Variants in SPAG16 observed in about 807,000 individuals in gnomAD.
SPAG16 encodes sperm associated antigen 16.
SPAG16 carries 86 observed loss-of-function variants against 80.4 expected under a neutral mutation model. The observed-to-expected ratio is 1.07, with a 90% CI of 0.90 to 1.28. SPAG16 has a LOEUF of 1.28. Ranked by LOEUF, SPAG16 falls within the 50% of genes most tolerant of loss-of-function variation. The pLI, the probability that SPAG16 is intolerant of heterozygous loss-of-function variation, is 0.00. For synonymous variants in SPAG16, 294 were observed against 265.9 expected (o/e 1.11, Z -1.03); for missense variants, 870 against 765.3 (o/e 1.14, Z -1.61).
chr2:213,320,635 A>G (rs139460415), intron 5 of SPAG16, among the ~76,000 whole-genome samples: 29 of 152,054 alleles, frequency 1.9e-4, no homozygotes, highest in African/African-American at 6.7e-4. Context: ...CAACTATTTT[A>G]GCTTCCACAT....
intron 15 of SPAG16, among the ~76,000 whole-genome samples, chr2:214,366,208 C>A (rs1699470595): frequency 1.3e-5 from 2 of 152,086 alleles, no homozygotes; most frequent in Non-Finnish European, 2.9e-5. Context: ...CAAACTCTGA[C>A]TTTGTGATCC....
At chr2:214,054,540 C>T (rs1370482159) in intron 13 of SPAG16, among the ~76,000 whole-genome samples, 1 of 151,890 alleles carries the variant, frequency 6.6e-6, no homozygotes, top group Non-Finnish European at 1.5e-5. Flanking sequence ...CCTAACAGAC[C>T]CCAATGAAGA....
chr2:213,884,218 CA>C (rs2076465881), intron 11 of SPAG16, among the ~76,000 whole-genome samples: 1 of 152,104 alleles, frequency 6.6e-6, no homozygotes, highest in Non-Finnish European at 1.5e-5. Context: ...ATGAATCCCT[CA>C]GAGTTTGCTT....
At chr2:214,214,233 C>T (rs985737954) in intron 15 of SPAG16, among the ~76,000 whole-genome samples, 6 of 149,210 alleles carry the variant, frequency 4.0e-5, no homozygotes, top group African/African-American at 7.4e-5. Flanking sequence ...TGCAGTGGCA[C>T]AATCTGGCTC....
chr2:213,829,561 CA>C (rs2073505088), intron 10 of SPAG16, among the ~76,000 whole-genome samples: 1 of 152,072 alleles, frequency 6.6e-6, no homozygotes, highest in South Asian at 2.1e-4. Flanking sequence ...TTTTCTCAAA[CA>C]GAAAGAATCT....
chr2:213,668,108 T>A (rs2063678957), intron 10 of SPAG16, among the ~76,000 whole-genome samples: 1 of 151,782 alleles, frequency 6.6e-6, no homozygotes, highest in Non-Finnish European at 1.5e-5. Flanking sequence ...GCCCAGCTAA[T>A]TTTTGTATTT....
At chr2:214,383,612 G>C (rs1177493916) in intron 15 of SPAG16, among the ~76,000 whole-genome samples, 1 of 151,262 alleles carries the variant, frequency 6.6e-6, no homozygotes, top group East Asian at 1.9e-4. Flanking sequence ...ATTTAGACTA[G>C]AAGTTGAAAG....
intron 5 of SPAG16, among the ~76,000 whole-genome samples, chr2:213,328,678 C>T (rs560763238): frequency 6.6e-6 from 1 of 152,188 alleles, no homozygotes; most frequent in South Asian, 2.1e-4. Context: ...GTCTCTTTGT[C>T]CATCCTCTGT....
intron 10 of SPAG16, among the ~76,000 whole-genome samples, chr2:213,819,916 C>G (rs1173864457): frequency 6.6e-6 from 1 of 150,758 alleles, no homozygotes; most frequent in South Asian, 2.1e-4. Flanking sequence ...GCCACCACAC[C>G]CGGCTAATTT....
intron 15 of SPAG16, among the ~76,000 whole-genome samples, chr2:214,270,080 A>T (rs1395513829): frequency 1.3e-5 from 2 of 152,130 alleles, no homozygotes; most frequent in African/African-American, 4.8e-5. Flanking sequence ...TTAAAATTGG[A>T]ATTTCATCAC....
chr2:214,068,264 T>C (rs1196834032), intron 13 of SPAG16, among the ~76,000 whole-genome samples: 1 of 152,174 alleles, frequency 6.6e-6, no homozygotes, highest in Non-Finnish European at 1.5e-5. Context: ...TTTGTGATTA[T>C]TTTTCAGAAA....
At chr2:214,090,030 T>G (rs1576144765) in intron 13 of SPAG16, among the ~76,000 whole-genome samples, 1 of 152,004 alleles carries the variant, frequency 6.6e-6, no homozygotes, top group African/African-American at 2.4e-5. Flanking sequence ...GAGATTCAAT[T>G]TTTTAATGAG....
chr2:214,345,536 C>G (rs990378432), intron 15 of SPAG16, among the ~76,000 whole-genome samples: 1 of 152,066 alleles, frequency 6.6e-6, no homozygotes, highest in Non-Finnish European at 1.5e-5. Context: ...ACTATCTGCT[C>G]TATTTAAAAA....
rs1215855910 is a variant in SPAG16 at position 213,567,177 on chromosome 2, T to G, written c.1070+77087T>G. On this transcript the variant is annotated intron_variant, in intron 10 of 15. Coordinates refer to ENST00000331683, the MANE Select transcript of SPAG16 (RefSeq NM_024532.5). ...ATCAACACAGATTCTTTTTTTTTTT[T>G]TTTTTTTTGACTTATCCCTGAAATT... Among the ~76,000 whole-genome samples, 8 of 150,926 alleles carry G rather than the reference T, an allele frequency of 5.3e-5. No individual in the cohort carries two copies. In the East Asian group the frequency reaches 1.4e-3, roughly 26 times the overall value.
At chr2:213,791,830 G>A (rs2070719827) in intron 10 of SPAG16, among the ~76,000 whole-genome samples, 1 of 152,114 alleles carries the variant, frequency 6.6e-6, no homozygotes, top group South Asian at 2.1e-4. Context: ...AGTTTATTCT[G>A]TGGAAAGTAA....
At chr2:213,336,040 C>T (rs1418159325) in intron 5 of SPAG16, among the ~76,000 whole-genome samples, 1 of 151,976 alleles carries the variant, frequency 6.6e-6, no homozygotes, top group Admixed American at 6.6e-5. Flanking sequence ...TTGGCGCAAC[C>T]CAGGGAGAGC....
At chr2:213,655,970 G>T (rs1264253902) in intron 10 of SPAG16, among the ~76,000 whole-genome samples, 1 of 152,066 alleles carries the variant, frequency 6.6e-6, no homozygotes, top group East Asian at 1.9e-4. Flanking sequence ...AACTATTTCT[G>T]GTGGGTTTTG....
At position 214,071,695 on chromosome 2, in the gene SPAG16, T is replaced by G. The variant is rs77124485; in HGVS notation, c.1528-36501T>G. Among the ~76,000 whole-genome samples, 1,059 of 152,226 alleles carry G rather than the reference T, an allele frequency of 7.0e-3. 16 individuals carry two copies. The highest frequency in any genetic ancestry group is 0.025 in the African/African-American group (1,023 of 41,560). ...TTCCTATCCTCCTTCAATTTGGTGT[T>G]GTAGATTGCTGAAATACACTACAAT... is the stretch of plus-strand genomic sequence containing the variant. On this transcript the variant is annotated intron_variant, in intron 13 of 15. Transcript: ENST00000331683.
At chr2:214,164,404 A>G (rs1432352600) in intron 15 of SPAG16, among the ~76,000 whole-genome samples, 1 of 152,126 alleles carries the variant, frequency 6.6e-6, no homozygotes. Flanking sequence ...CACCTGGATG[A>G]ATTGAGGGAA....
Sources: allele counts gnomAD v4.1 joint callset (sites outside exome capture counted in the v4.1 genomes callset), GRCh38; gene constraint gnomAD v4.1.1; transcripts MANE v1.5; gene names NCBI Gene and HGNC (gene_info 2026-07-23, HGNC 2026-07-21).